The following PPFIBP1 variants were observed in gnomAD, a reference collection of about 807,000 sequenced individuals.
PPFIBP1 encodes liprin-beta-1.
Under a neutral mutation model 137.8 loss-of-function variants are expected in PPFIBP1, and 112 were observed. The observed-to-expected ratio is 0.81, with a 90% CI of 0.70 to 0.95. The LOEUF (loss-of-function observed/expected upper bound fraction) is 0.95, where lower values mean the gene tolerates loss of function less well. Among genes scored for constraint, PPFIBP1 ranks in the 40% least tolerant of loss-of-function variants. The pLI is 0.00. For synonymous variants in PPFIBP1, 378 were observed against 417.3 expected (o/e 0.91, Z 1.15); for missense variants, 1,083 against 1,196.6 (o/e 0.91, Z 1.40).
chr12:27,683,432 T>C (rs551655515), intron 24 of PPFIBP1, among the ~76,000 whole-genome samples: 1 of 152,348 alleles, frequency 6.6e-6, no homozygotes, highest in African/African-American at 2.4e-5. Flanking sequence ...TGGGTTTCTA[T>C]GTGCAATGAC....
At chr12:27,678,767 G>T (rs553992573) in intron 19 of PPFIBP1, among the ~76,000 whole-genome samples, 2 of 145,462 alleles carry the variant, frequency 1.4e-5, no homozygotes, top group African/African-American at 5.1e-5. Context: ...CTGAGGCAGA[G>T]AATTGCTTGA....
rs1565942594 is a variant in PPFIBP1, at chr12:27,650,852, C to CCATTTGAAATATA, written c.603+720_603+721insTATACATTTGAAA. Among the ~76,000 whole-genome samples the CCATTTGAAATATA allele has an allele frequency of 2.6e-5, 4 of 152,272 alleles. No individual in the cohort carries two copies. In the South Asian group the frequency reaches 6.2e-4, roughly 24 times the overall value. ...TTTTTGATGGAGACAGAGAGCATAT[C>CCATTTGAAATATA]CATTTGAAACATACATTTGAAATGA... On this transcript the variant is annotated intron_variant, in intron 7 of 29. Transcript: ENST00000228425.
chr12:27,566,299 A>G (rs1035473957), intron 1 of PPFIBP1, among the ~76,000 whole-genome samples: 5 of 151,558 alleles, frequency 3.3e-5, no homozygotes, highest in African/African-American at 1.2e-4. Flanking sequence ...CAAAGAAAAA[A>G]CTATGTCTCT....
At chr12:27,662,430 G>T (rs2059609114) in intron 11 of PPFIBP1, among the ~76,000 whole-genome samples, 1 of 152,220 alleles carries the variant, frequency 6.6e-6, no homozygotes, top group African/African-American at 2.4e-5. Context: ...GCTAACTCTG[G>T]TAGCAGAATG....
chr12:27,665,110 C>T (rs956411988), intron 12 of PPFIBP1, among the ~76,000 whole-genome samples: 1 of 152,268 alleles, frequency 6.6e-6, no homozygotes, highest in African/African-American at 2.4e-5. Context: ...ATCGCCTGAA[C>T]CCGGGAAGCG....
intron 1 of PPFIBP1, among the ~76,000 whole-genome samples, chr12:27,543,125 T>TA (rs370892535): frequency 1.1e-4 from 17 of 152,110 alleles, no homozygotes; most frequent in Middle Eastern, 3.4e-3. Flanking sequence ...TTCAACCACA[T>TA]AAAAAAAACT....
At chr12:27,535,078 A>G (rs1944842640) in intron 1 of PPFIBP1, among the ~76,000 whole-genome samples, 1 of 152,202 alleles carries the variant, frequency 6.6e-6, no homozygotes, top group Admixed American at 6.5e-5. Flanking sequence ...TAGGCATAAT[A>G]TTCTTGAGTT....
At chr12:27,538,340 C>T (rs66913539) in intron 1 of PPFIBP1, 7 of 152,042 alleles carry the variant, frequency 4.6e-5, no homozygotes, top group Non-Finnish European at 8.8e-5. Context: ...AGTACCAATT[C>T]GGTGGTGAGT....
rs548391786 is a variant in PPFIBP1, at chr12:27,596,335, C to G, written c.-36+18096C>G. On this transcript the variant is annotated intron_variant, in intron 2 of 29. Transcript: ENST00000228425. ...TAAGATGTTTAAGGAATTCTGATGA[C>G]ATGATAGAAGAAATAGGCAGAGTTA... 3.3e-5 allele frequency among the ~76,000 whole-genome samples: 5 copies of G among 152,156 alleles called. No homozygotes were observed. In the South Asian group the frequency reaches 1.0e-3, roughly 32 times the overall value.
At chr12:27,552,235 T>G (rs1210116111) in intron 1 of PPFIBP1, among the ~76,000 whole-genome samples, 1 of 152,236 alleles carries the variant, frequency 6.6e-6, no homozygotes, top group Non-Finnish European at 1.5e-5. Flanking sequence ...GTCCACTGAT[T>G]GCATGTCAAA....
chr12:27,687,571 G>A (rs1046939604), intron 25 of PPFIBP1, 64 bp downstream of exon 25: 13 of 1,514,014 alleles, frequency 8.6e-6, no homozygotes, highest in East Asian at 7.1e-5. Context: ...TCCATGTGTC[G>A]AAACTAAGAG....
intron 5 of PPFIBP1, 33 bp from the exon 6 acceptor site, chr12:27,647,696 T>C: frequency 7.2e-7 from 1 of 1,388,110 alleles, no homozygotes; most frequent in Non-Finnish European, 9.7e-7. Flanking sequence ...CAAATTCTTT[T>C]TCACTCATTG....
chr12:27,678,529 G>C (rs1350822672), intron 19 of PPFIBP1, among the ~76,000 whole-genome samples: 1 of 152,178 alleles, frequency 6.6e-6, no homozygotes, highest in Non-Finnish European at 1.5e-5. Context: ...AACAGGGACA[G>C]TATTAATTAA....
At chr12:27,625,233 A>T (rs1187863262) in intron 2 of PPFIBP1, among the ~76,000 whole-genome samples, 1 of 152,178 alleles carries the variant, frequency 6.6e-6, no homozygotes, top group African/African-American at 2.4e-5. Context: ...CTGGGCGATA[A>T]AATGAGACTG....
At chr12:27,678,665 C>G (rs1269867681) in intron 19 of PPFIBP1, among the ~76,000 whole-genome samples, 2 of 151,888 alleles carry the variant, frequency 1.3e-5, no homozygotes, top group African/African-American at 4.8e-5. Flanking sequence ...CAAGACCAGC[C>G]TGGCCAAGAT....
At chr12:27,643,460 G>A (rs12368009) in intron 4 of PPFIBP1, among the ~76,000 whole-genome samples, 41,496 of 121,850 alleles carry the variant, frequency 0.34, 8,864 homozygotes, top group Admixed American at 0.4. Context: ...TGTAGATACT[G>A]TCGCTGGCAT....
At chr12:27,554,210 A>G (rs1947056916) in intron 1 of PPFIBP1, among the ~76,000 whole-genome samples, 1 of 152,248 alleles carries the variant, frequency 6.6e-6, no homozygotes, top group African/African-American at 2.4e-5. Flanking sequence ...AAACTGTAGC[A>G]GTTACACTCA....
At chr12:27,590,646 G>C (rs1454166181) in intron 2 of PPFIBP1, among the ~76,000 whole-genome samples, 1 of 152,156 alleles carries the variant, frequency 6.6e-6, no homozygotes, top group African/African-American at 2.4e-5. Flanking sequence ...TGATCCCTTT[G>C]CCTGAGGGAT....
At chr12:27,692,009 T>C in intron 28 of PPFIBP1, 81 bp downstream of exon 28, 1 of 1,201,292 alleles carries the variant, frequency 8.3e-7, no homozygotes, top group South Asian at 1.7e-5. Context: ...CTGTGTCTGA[T>C]CAAGGACATT....
Sources: allele counts gnomAD v4.1 joint callset (sites outside exome capture counted in the v4.1 genomes callset), GRCh38; gene constraint gnomAD v4.1.1; transcripts MANE v1.5; gene names NCBI Gene and HGNC (gene_info 2026-07-23, HGNC 2026-07-21).